Variants in PPP1R9A observed in about 807,000 individuals in gnomAD.
The protein encoded by PPP1R9A is neurabin-1.
Under a neutral mutation model 141.9 loss-of-function variants are expected in PPP1R9A, and 59 were observed. That is an observed-to-expected ratio of 0.42 (90% CI 0.34 to 0.52). The LOEUF (loss-of-function observed/expected upper bound fraction) is 0.52, where lower values mean the gene tolerates loss of function less well. Among genes scored for constraint, PPP1R9A ranks in the 20% least tolerant of loss-of-function variants. The pLI is 0.10. For missense variants in PPP1R9A, 1,444 were observed against 1,611.9 expected (o/e 0.90, Z 1.78); for synonymous variants, 500 against 569.7 (o/e 0.88, Z 1.74).
intron 2 of PPP1R9A, 25 bp from the exon 3 acceptor site, chr7:95,111,234 T>G (rs752420254): frequency 6.4e-7 from 1 of 1,555,200 alleles, no homozygotes. Flanking sequence ...TTCTGTATTA[T>G]CATCTTGTTG....
At position 95,115,999 on chromosome 7, in the gene PPP1R9A, A is replaced by G. The variant is rs559642909; in HGVS notation, c.1528+4608A>G. On this transcript the variant is annotated intron_variant, in intron 3 of 19. Transcript: ENST00000433360. ...AAGGATATAGAGTGGTTCATTATTC[A>G]AAGATTCATCCACATACAATTTAAA... Among the ~76,000 whole-genome samples, 6 of 152,180 alleles carry G rather than the reference A, an allele frequency of 3.9e-5. No homozygotes were observed. The East Asian group carries it at 1.2e-3, about 29-fold the overall frequency.
At chr7:94,913,859 T>C (rs1325410809) in intron 2 of PPP1R9A, among the ~76,000 whole-genome samples, 2 of 152,216 alleles carry the variant, frequency 1.3e-5, no homozygotes, top group African/African-American at 4.8e-5. Context: ...CTCTGTGAGT[T>C]TGTAGAGTCA....
intron 7 of PPP1R9A, among the ~76,000 whole-genome samples, chr7:95,204,552 A>G (rs778228617): frequency 1.3e-5 from 2 of 151,990 alleles, no homozygotes; most frequent in Non-Finnish European, 2.9e-5. Context: ...TTAAGACCCT[A>G]TCCATATGTG....
rs998729841 is a variant in PPP1R9A at position 95,042,135 on chromosome 7, T to A, written c.1396-69124T>A. 8.6e-5 allele frequency among the ~76,000 whole-genome samples: 13 copies of A among 152,012 alleles called. No homozygotes were observed. The East Asian group carries it at 2.5e-3, about 29-fold the overall frequency. On this transcript the variant is annotated intron_variant, in intron 2 of 19. Transcript: ENST00000433360. ...GTGTGCTTTTACTGCCCTCAGGGAGTTCCTAGTCTACTTGTGCATGAAATA... is the reference window on the plus strand; with the variant it reads ...GTGTGCTTTTACTGCCCTCAGGGAGATCCTAGTCTACTTGTGCATGAAATA...
intron 2 of PPP1R9A, among the ~76,000 whole-genome samples, chr7:95,016,485 T>A (rs1325966299): frequency 6.6e-6 from 1 of 152,026 alleles, no homozygotes; most frequent in Non-Finnish European, 1.5e-5. Flanking sequence ...GTAAATCAAA[T>A]GTAATAATAT....
chr7:95,148,525 A>G (rs529893610), intron 4 of PPP1R9A, among the ~76,000 whole-genome samples: 3 of 152,202 alleles, frequency 2.0e-5, no homozygotes, highest in Non-Finnish European at 2.9e-5. Flanking sequence ...GAATAGGCCT[A>G]TATCTAGTAG....
chr7:95,151,941 C>CTTTTTTTTTTTTTTTTTTTTTTTTTT (rs1167382285), intron 4 of PPP1R9A, among the ~76,000 whole-genome samples: 1 of 54,462 alleles, frequency 1.8e-5, no homozygotes, highest in Non-Finnish European at 3.2e-5. Context: ...TACTGAGAAT[C>CTTTTTTTTTTTTTTTTTTTTTTTTTT]TTTTTTTTTT....
At chr7:95,250,414 A>G (rs1455501459) in intron 10 of PPP1R9A, among the ~76,000 whole-genome samples, 159 bp downstream of exon 10, 1 of 152,196 alleles carries the variant, frequency 6.6e-6, no homozygotes, top group African/African-American at 2.4e-5. Context: ...AAGTTTTGGA[A>G]GTCACTTCTA....
chr7:94,955,648 T>A (rs1797002667), intron 2 of PPP1R9A, among the ~76,000 whole-genome samples: 1 of 152,258 alleles, frequency 6.6e-6, no homozygotes, highest in East Asian at 1.9e-4. Context: ...AAATTTGTTA[T>A]TTTGTATGGT....
chr7:94,992,391 A>G (rs935814469), intron 2 of PPP1R9A, among the ~76,000 whole-genome samples: 1 of 152,186 alleles, frequency 6.6e-6, no homozygotes, highest in African/African-American at 2.4e-5. Flanking sequence ...CTGATGACAG[A>G]TGTGGGAATT....
At chr7:95,045,365 G>C (rs1342714803) in intron 2 of PPP1R9A, among the ~76,000 whole-genome samples, 1 of 152,174 alleles carries the variant, frequency 6.6e-6, no homozygotes, top group Non-Finnish European at 1.5e-5. Context: ...TTATATGTTG[G>C]CATCCTTACA....
chr7:95,284,415 G>A, intron 17 of PPP1R9A, 85 bp downstream of exon 17: 3 of 1,221,792 alleles, frequency 2.5e-6, no homozygotes, highest in Non-Finnish European at 3.3e-6. Flanking sequence ...CTTTAATGCT[G>A]TTTCATTGTA....
intron 2 of PPP1R9A, among the ~76,000 whole-genome samples, chr7:95,045,268 C>T (rs879730174): frequency 2.0e-5 from 3 of 152,112 alleles, no homozygotes; most frequent in Admixed American, 2.0e-4. Context: ...TGCTTTAGAG[C>T]AGGAAACAAA....
intron 2 of PPP1R9A, among the ~76,000 whole-genome samples, chr7:95,013,494 A>G (rs1804700209): frequency 6.6e-6 from 1 of 152,094 alleles, no homozygotes; most frequent in Non-Finnish European, 1.5e-5. Context: ...GGGTTATCCA[A>G]ATGTTTAAGA....
intron 4 of PPP1R9A, among the ~76,000 whole-genome samples, chr7:95,136,467 T>G (rs1825683245): frequency 6.6e-6 from 1 of 152,158 alleles, no homozygotes; most frequent in African/African-American, 2.4e-5. Flanking sequence ...AAGTCGTATA[T>G]AAACATGCAC....
intron 16 of PPP1R9A, among the ~76,000 whole-genome samples, chr7:95,277,957 A>G (rs1803505157): frequency 6.6e-6 from 1 of 152,152 alleles, no homozygotes; most frequent in Admixed American, 6.5e-5. Flanking sequence ...TGTATCTCAG[A>G]TGGGGAGATG....
At chr7:95,083,674 G>C (rs1293951661) in intron 2 of PPP1R9A, among the ~76,000 whole-genome samples, 2 of 151,854 alleles carry the variant, frequency 1.3e-5, no homozygotes, top group African/African-American at 4.9e-5. Context: ...CGTACCACAG[G>C]GAATATAGAC....
intron 2 of PPP1R9A, among the ~76,000 whole-genome samples, chr7:95,004,479 A>G (rs1803339268): frequency 6.6e-6 from 1 of 152,162 alleles, no homozygotes; most frequent in African/African-American, 2.4e-5. Context: ...ACATAATTAT[A>G]CCTTTTTAAA....
intron 2 of PPP1R9A, among the ~76,000 whole-genome samples, chr7:95,084,060 C>T (rs1002065953): frequency 2.6e-5 from 4 of 152,004 alleles, no homozygotes; most frequent in Non-Finnish European, 5.9e-5. Flanking sequence ...GCAAAGACAT[C>T]TTTTTAAAGT....
Sources: allele counts gnomAD v4.1 joint callset (sites outside exome capture counted in the v4.1 genomes callset), GRCh38; gene constraint gnomAD v4.1.1; transcripts MANE v1.5; gene names NCBI Gene and HGNC (gene_info 2026-07-23, HGNC 2026-07-21).